Variants in RPS6KA6 observed in about 807,000 individuals in gnomAD.
RPS6KA6 encodes the protein ribosomal protein S6 kinase alpha-6.
RPS6KA6 carries 27 observed loss-of-function variants against 65.4 expected under a neutral mutation model. That is an observed-to-expected ratio of 0.41 (90% CI 0.30 to 0.57). The LOEUF is 0.57. RPS6KA6 is among the 20% of genes least tolerant of loss of function. The pLI is 0.24. For synonymous variants in RPS6KA6, 190 were observed against 184.2 expected (o/e 1.03, Z -0.26); for missense variants, 486 against 555.6 (o/e 0.87, Z 1.26).
intron 2 of RPS6KA6, among the ~76,000 whole-genome samples, chrX:84,160,692 T>C (rs1384728546): frequency 1.8e-5 from 2 of 111,361 alleles, no homozygotes; most frequent in East Asian, 5.6e-4. Context: ...AATCATTTAG[T>C]TGTGGATTTG....
chrX:84,071,892 T>C (rs2033550466), intron 20 of RPS6KA6, among the ~76,000 whole-genome samples: 1 of 111,449 alleles, frequency 9.0e-6, no homozygotes, highest in Admixed American at 9.6e-5. Flanking sequence ...ATGGACAAAA[T>C]AGAAAATCTG....
At chrX:84,129,609 A>G (rs1313085313) in intron 8 of RPS6KA6, among the ~76,000 whole-genome samples, 1 of 111,766 alleles carries the variant, frequency 8.9e-6, no homozygotes, top group Non-Finnish European at 1.9e-5. Flanking sequence ...ATGCCCATTG[A>G]CAGACAAATG....
intron 8 of RPS6KA6, among the ~76,000 whole-genome samples, chrX:84,123,339 T>C (rs144692058): frequency 9.1e-4 from 103 of 112,847 alleles, no homozygotes; most frequent in African/African-American, 3.0e-3. Flanking sequence ...GCACCTTAGG[T>C]ACCAGCTCAG....
At chrX:84,168,748 G>A (rs1004012579) in intron 1 of RPS6KA6, among the ~76,000 whole-genome samples, 3 of 111,661 alleles carry the variant, frequency 2.7e-5, no homozygotes, top group African/African-American at 9.8e-5. Flanking sequence ...ATCATCTTAT[G>A]ACTAATTTAT....
In RPS6KA6 at chrX:84,110,013, T is replaced by C. The variant is rs148077703; in HGVS notation, c.1009-2288A>G. Among the ~76,000 whole-genome samples the C allele has an allele frequency of 7.2e-5, 8 of 111,425 alleles. No homozygotes were observed. In the East Asian group the frequency reaches 2.3e-3, roughly 32 times the overall value. On this transcript the variant is annotated intron_variant, in intron 12 of 21. Transcript: ENST00000262752. ...TAAAAAGTGGAGCCCCTCTGTGATA[T>C]CTACAGAAAGCAGAAGCATTACCCA...
At position 84,059,105 on chromosome X, in the gene RPS6KA6, G is replaced by GTTTTT. The variant is rs2033256336; in HGVS notation, c.*5171_*5172insAAAAA. The GTTTTT allele has an allele frequency of 3.1e-5, 1 of 32,543 alleles. No individual in the cohort carries two copies. Among genetic ancestry groups the GTTTTT allele is most frequent in the African/African-American group, 1.1e-4 (1 of 9,269 alleles). The allele number at this position is 32,543 out of a possible 1,213,427, so 2.7% of individuals were successfully genotyped here. A position where few individuals can be genotyped will look rare whatever the true frequency, so the allele number is the denominator to read the frequency against. On this transcript the variant is annotated 3_prime_UTR_variant, in exon 22 of 22. Coordinates refer to ENST00000262752, the MANE Select transcript of RPS6KA6 (RefSeq NM_014496.5). ...TTAATGTGTAACTTTTTAAATGGCT[G>GTTTTT]TTTCTTTTCTTTTTTTTTTTTTTTT...
intron 18 of RPS6KA6, among the ~76,000 whole-genome samples, chrX:84,098,534 G>A (rs781322755): frequency 9.0e-6 from 1 of 110,884 alleles, no homozygotes; most frequent in East Asian, 2.8e-4. Context: ...AATAGAGTTC[G>A]TTAGAAAAAT....
rs778457559 is a variant in RPS6KA6 at position 84,172,203 on chromosome X, G to A, written c.82-7816C>T. ...ATAAATAGGGCTGCAATAAACATAC[G>A]TGTGCATGTGTCTTTATATTAGAAT... On this transcript the variant is annotated intron_variant, in intron 1 of 21. Transcript: ENST00000262752. Among the ~76,000 whole-genome samples, 189 of 111,810 alleles carry A rather than the reference G, an allele frequency of 1.7e-3. 1 individual carries two copies. The highest frequency in any genetic ancestry group is 3.1e-3 in the Non-Finnish European group (165 of 53,168).
chrX:84,141,927 T>A (rs1215029657), intron 6 of RPS6KA6, among the ~76,000 whole-genome samples: 1 of 111,073 alleles, frequency 9.0e-6, no homozygotes, highest in African/African-American at 3.3e-5. Flanking sequence ...ATAATTAAAG[T>A]AAAAAGGTGT....
intron 20 of RPS6KA6, among the ~76,000 whole-genome samples, chrX:84,070,925 A>C (rs1042558823): frequency 9.0e-6 from 1 of 111,614 alleles, no homozygotes; most frequent in African/African-American, 3.2e-5. Context: ...TTAAAAAAAA[A>C]CATAAAATAT....
chrX:84,163,366 G>A (rs1237279815), intron 2 of RPS6KA6, among the ~76,000 whole-genome samples: 4 of 110,911 alleles, frequency 3.6e-5, no homozygotes, highest in African/African-American at 1.3e-4. Flanking sequence ...TCGGCCGGGC[G>A]CGGTGGCTCA....
intron 12 of RPS6KA6, among the ~76,000 whole-genome samples, chrX:84,113,318 C>T (rs1287713243): frequency 9.0e-6 from 1 of 111,567 alleles, no homozygotes; most frequent in Non-Finnish European, 1.9e-5. Context: ...TTCTACAAAA[C>T]CGGTATCATC....
At chrX:84,135,073 A>C in intron 7 of RPS6KA6, 31 bp downstream of exon 7, 4 of 1,040,858 alleles carry the variant, frequency 3.8e-6, no homozygotes, top group Non-Finnish European at 5.4e-6. Context: ...AGAAATACAG[A>C]CAACATGAAA....
intron 6 of RPS6KA6, among the ~76,000 whole-genome samples, chrX:84,140,453 T>C (rs1045030094): frequency 3.6e-5 from 4 of 110,749 alleles, no homozygotes; most frequent in African/African-American, 1.3e-4. Flanking sequence ...TTGTCAATCA[T>C]GGGCCAGGCA....
chrX:84,164,674 T>A (rs2035570735), intron 1 of RPS6KA6, among the ~76,000 whole-genome samples: 1 of 111,779 alleles, frequency 8.9e-6, no homozygotes, highest in Admixed American at 9.5e-5. Flanking sequence ...ACCTATGTAC[T>A]TTCATTAAAT....
At chrX:84,163,645 CAAAA>C (rs1184307765) in intron 2 of RPS6KA6, among the ~76,000 whole-genome samples, 1 of 47,013 alleles carries the variant, frequency 2.1e-5, no homozygotes, top group Non-Finnish European at 3.7e-5. Context: ...GACTCCGTCT[CAAAA>C]AAAAAAAAAA....
intron 8 of RPS6KA6, among the ~76,000 whole-genome samples, chrX:84,128,972 A>T (rs1238860728): frequency 8.9e-6 from 1 of 111,980 alleles, no homozygotes; most frequent in Non-Finnish European, 1.9e-5. Context: ...AGCACAGGTG[A>T]TCAAAGCAAA....
At chrX:84,107,856 G>A (rs2034390751) in intron 12 of RPS6KA6, 131 bp from the exon 13 acceptor site, 1 of 333,652 alleles carries the variant, frequency 3.0e-6, no homozygotes, top group African/African-American at 2.7e-5. Flanking sequence ...TCAGATAACT[G>A]TTAACCAAAT....
In RPS6KA6 at chrX:84,107,914, CAT is replaced by C. The variant is rs1206761134; in HGVS notation, c.1009-191_1009-190del. Among the ~76,000 whole-genome samples, 4 of 112,001 alleles carry C rather than the reference CAT, an allele frequency of 3.6e-5. No individual in the cohort carries two copies. In the East Asian group the frequency reaches 8.4e-4, roughly 24 times the overall value. ...TTCAAGATGTAATGAGGCCAAGAAA[CAT>C]AGCAATGATGCCACAAGCTGAATTC... On this transcript the variant is annotated intron_variant, in intron 12 of 21. Transcript: ENST00000262752.
Sources: allele counts gnomAD v4.1 joint callset (sites outside exome capture counted in the v4.1 genomes callset), GRCh38; gene constraint gnomAD v4.1.1; transcripts MANE v1.5; gene names NCBI Gene and HGNC (gene_info 2026-07-23, HGNC 2026-07-21).